CBFA2T2: variants seen among roughly 807,000 people sequenced by gnomAD.
CBFA2T2 encodes CBFA2/RUNX1 partner transcriptional co-repressor 2, also known as protein CBFA2T2.
CBFA2T2 carries 11 observed loss-of-function variants against 62.2 expected under a neutral mutation model. The ratio of observed to expected loss-of-function variants is 0.18; its 90% confidence interval spans 0.11 to 0.29. CBFA2T2 has a LOEUF of 0.29. Among genes scored for constraint, CBFA2T2 ranks in the 10% least tolerant of loss-of-function variants. The pLI is 1.00. For missense variants in CBFA2T2, 592 were observed against 774.1 expected, an observed-to-expected ratio of 0.76 and a Z score of 2.79; for synonymous variants, 295 against 287.5, an observed-to-expected ratio of 1.03 and a Z score of -0.27.
chr20:33,588,567 C>G lies in CBFA2T2; in HGVS notation c.35-18389C>G, dbSNP rs377376622. Reference sequence around the variant, plus strand: ...ATATTTTCCTTTATTCCTTAGATTACTTTAAAGAACAACACTATAATTAAG... The same window carrying G: ...ATATTTTCCTTTATTCCTTAGATTAGTTTAAAGAACAACACTATAATTAAG... On this transcript the variant is annotated intron_variant, in intron 1 of 10. Transcript: ENST00000342704. Among the ~76,000 whole-genome samples, 48 of 152,138 alleles carry G rather than the reference C, an allele frequency of 3.2e-4. 1 individual carries two copies. The East Asian group carries it at 5.4e-3, about 17-fold the overall frequency.
At chr20:33,567,453 C>T (rs753021653) in intron 1 of CBFA2T2, among the ~76,000 whole-genome samples, 1 of 152,110 alleles carries the variant, frequency 6.6e-6, no homozygotes, top group African/African-American at 2.4e-5. Flanking sequence ...ACCTGTGGTA[C>T]AGTACGCTAA....
Position 33,490,144 on chromosome 20 carries a change from C to G in CBFA2T2, c.-124C>G. ...CAGCGGTGGTGGTGTCTGGTTAGCTCGGCGGCTGCAGATCTCGCGGCGACG... is the reference window on the plus strand; with the variant it reads ...CAGCGGTGGTGGTGTCTGGTTAGCTGGGCGGCTGCAGATCTCGCGGCGACG... On this transcript the variant is annotated 5_prime_UTR_variant, in exon 1 of 11. Transcript: ENST00000342704. 9.9e-7 allele frequency: 1 copy of G among 1,011,386 alleles called. No individual in the cohort carries two copies. The highest frequency in any genetic ancestry group is 1.2e-6 in the Non-Finnish European group (1 of 802,278). 62.7% of individuals were successfully genotyped at this position (1,011,386 alleles called of 1,614,324 possible).
intron 1 of CBFA2T2, among the ~76,000 whole-genome samples, chr20:33,513,470 C>G (rs1250463591): frequency 6.6e-6 from 1 of 151,738 alleles, no homozygotes; most frequent in Non-Finnish European, 1.5e-5. Context: ...AGCGATTCTC[C>G]TGCCTCAGCC....
intron 1 of CBFA2T2, among the ~76,000 whole-genome samples, chr20:33,553,348 T>G (rs998800928): frequency 6.6e-6 from 1 of 152,230 alleles, no homozygotes; most frequent in Non-Finnish European, 1.5e-5. Flanking sequence ...TGTCTCAGCC[T>G]CCCGAGTAGC....
intron 1 of CBFA2T2, among the ~76,000 whole-genome samples, chr20:33,525,187 A>AT (rs1236157163): frequency 0.073 from 9,541 of 130,090 alleles, 670 homozygotes; most frequent in Admixed American, 0.18. Flanking sequence ...CCCTACCTCC[A>AT]TTTTTTTTTT....
chr20:33,643,779 A>AG (rs2016938815), intron 10 of CBFA2T2, among the ~76,000 whole-genome samples: 1 of 16,308 alleles, frequency 6.1e-5, no homozygotes, highest in African/African-American at 3.8e-4. Context: ...ATATATATAT[A>AG]TATATATATA....
intron 1 of CBFA2T2, among the ~76,000 whole-genome samples, chr20:33,498,635 G>T (rs1048592762): frequency 2.4e-4 from 37 of 152,260 alleles, no homozygotes; most frequent in African/African-American, 8.7e-4. Context: ...TGTAGTCCCA[G>T]TTACTCGGAA....
chr20:33,515,114 C>A (rs568996825), intron 1 of CBFA2T2, among the ~76,000 whole-genome samples: 1 of 151,558 alleles, frequency 6.6e-6, no homozygotes, highest in Admixed American at 6.6e-5. Context: ...TTTGGGAGGC[C>A]GAAGCGGGTG....
chr20:33,493,307 C>T (rs1474768993), intron 1 of CBFA2T2, among the ~76,000 whole-genome samples: 1 of 152,070 alleles, frequency 6.6e-6, no homozygotes, highest in East Asian at 1.9e-4. Flanking sequence ...AACGCCTGAC[C>T]GCAGGTGATC....
chr20:33,537,220 T>G (rs538162310), intron 1 of CBFA2T2, among the ~76,000 whole-genome samples: 1 of 152,328 alleles, frequency 6.6e-6, no homozygotes, highest in South Asian at 2.1e-4. Flanking sequence ...TGAACCAGAC[T>G]CCGTCTGCAA....
chr20:33,581,494 G>C (rs1181997443), intron 1 of CBFA2T2, among the ~76,000 whole-genome samples: 5 of 152,098 alleles, frequency 3.3e-5, no homozygotes, highest in Admixed American at 3.3e-4. Flanking sequence ...GTGTGTGTGT[G>C]TGTGTGTCTG....
intron 1 of CBFA2T2, among the ~76,000 whole-genome samples, chr20:33,495,110 T>G (rs953561665): frequency 1.5e-4 from 23 of 152,054 alleles, no homozygotes; most frequent in African/African-American, 5.6e-4. Context: ...AGAAGTAAAA[T>G]GTAATGGCTG....
At chr20:33,620,699 A>G (rs996711790) in intron 4 of CBFA2T2, among the ~76,000 whole-genome samples, 2 of 148,910 alleles carry the variant, frequency 1.3e-5, no homozygotes, top group Admixed American at 6.7e-5. Flanking sequence ...AAATTAGCAC[A>G]TGCCTGTAGT....
chr20:33,561,363 C>T (rs2013084496), intron 1 of CBFA2T2, among the ~76,000 whole-genome samples: 2 of 152,184 alleles, frequency 1.3e-5, no homozygotes, highest in Non-Finnish European at 2.9e-5. Flanking sequence ...GTGTGAGTCA[C>T]TGCACCTGGC....
chr20:33,616,494 A>G (rs2015717718), intron 3 of CBFA2T2, among the ~76,000 whole-genome samples: 1 of 152,184 alleles, frequency 6.6e-6, no homozygotes, highest in Non-Finnish European at 1.5e-5. Flanking sequence ...TGGGAAGCCA[A>G]GTTGGAAGGA....
intron 2 of CBFA2T2, among the ~76,000 whole-genome samples, chr20:33,608,952 T>C (rs922714003): frequency 6.6e-6 from 1 of 152,162 alleles, no homozygotes; most frequent in Non-Finnish European, 1.5e-5. Context: ...TGAGGTTGAG[T>C]GTTCAACTTT....
intron 1 of CBFA2T2, among the ~76,000 whole-genome samples, chr20:33,588,655 A>G (rs769709047): frequency 6.6e-6 from 1 of 152,156 alleles, no homozygotes; most frequent in Non-Finnish European, 1.5e-5. Flanking sequence ...AACATTAAGA[A>G]GCTGAAAAGG....
At chr20:33,497,699 G>A (rs1472926934) in intron 1 of CBFA2T2, among the ~76,000 whole-genome samples, 6 of 151,848 alleles carry the variant, frequency 4.0e-5, no homozygotes, top group Admixed American at 1.3e-4. Flanking sequence ...ACAGGCACAC[G>A]CCACCACGCC....
chr20:33,643,290 T>C (rs1012196320), intron 10 of CBFA2T2, among the ~76,000 whole-genome samples: 3 of 152,166 alleles, frequency 2.0e-5, no homozygotes, highest in Non-Finnish European at 4.4e-5. Context: ...TGATAGTTAT[T>C]AGGGAACAGG....
Sources: allele counts gnomAD v4.1 joint callset (sites outside exome capture counted in the v4.1 genomes callset), GRCh38; gene constraint gnomAD v4.1.1; transcripts MANE v1.5; gene names NCBI Gene and HGNC (gene_info 2026-07-23, HGNC 2026-07-21).